The following RGS7 variants were observed in gnomAD, a reference collection of about 807,000 sequenced individuals.
RGS7 encodes regulator of G protein signaling 7.
A neutral mutation model predicts 81.1 loss-of-function variants in RGS7; 27 were observed. The ratio of observed to expected loss-of-function variants is 0.33; its 90% CI spans 0.25 to 0.46. The LOEUF is 0.46. RGS7 is among the 20% of genes least tolerant of loss of function. The pLI is 1.00. For synonymous variants in RGS7, 208 were observed against 207.7 expected (o/e 1.00, Z -0.01); for missense variants, 396 against 607.4 (o/e 0.65, Z 3.66).
In RGS7 at chr1:240,983,071, T is replaced by G. The variant is rs773829893; in HGVS notation, c.226+8A>C. On this transcript the variant is annotated splice_region_variant and intron_variant, in intron 4 of 18. Coordinates refer to ENST00000440928, the MANE Select transcript of RGS7 (RefSeq NM_001364886.1). ...AAAGTTCTTGCAATGGGAAAATGATTTATTTACCTGGATCTTCTATAGTTA... is the reference window on the plus strand; with the variant it reads ...AAAGTTCTTGCAATGGGAAAATGATGTATTTACCTGGATCTTCTATAGTTA... 1.3e-5 allele frequency: 19 copies of G among 1,499,948 alleles called. No individual in the cohort carries two copies. Among genetic ancestry groups the G allele is most frequent in the Admixed American group, 1.7e-5 (1 of 59,504 alleles). The allele number at this position is 1,499,948 out of a possible 1,614,324, so 92.9% of individuals were successfully genotyped here.
At chr1:241,081,112 A>C (rs2678779) in intron 3 of RGS7, among the ~76,000 whole-genome samples, 24,490 of 152,162 alleles carry the variant, frequency 0.16, 2,043 homozygotes, top group African/African-American at 0.19. Context: ...AATGGGCCTT[A>C]ACTGTTAGTG....
intron 7 of RGS7, among the ~76,000 whole-genome samples, chr1:240,869,312 GA>G (rs1461197266): frequency 6.6e-6 from 1 of 152,058 alleles, no homozygotes; most frequent in East Asian, 1.9e-4. Context: ...TTTGAATTCA[GA>G]AAATCTAACA....
At position 240,784,626 on chromosome 1, in the gene RGS7, A is replaced by C. The variant is rs574574477; in HGVS notation, c.*7-8413T>G. 2.6e-4 allele frequency among the ~76,000 whole-genome samples: 39 copies of C among 151,874 alleles called. 1 individual carries two copies. The South Asian group carries it at 7.9e-3, about 31-fold the overall frequency. On this transcript the variant is annotated intron_variant, in intron 18 of 18. Coordinates refer to ENST00000440928, the MANE Select transcript of RGS7 (RefSeq NM_001364886.1). The stretch of plus-strand genomic sequence containing the variant: ...GCTCCACTGCGCTCCAGCCTGGGCA[A>C]CAGAATAAGACTCCGCCTCAAAAAA...
chr1:240,887,658 T>C (rs1667608646), intron 6 of RGS7, among the ~76,000 whole-genome samples: 1 of 152,246 alleles, frequency 6.6e-6, no homozygotes, highest in African/African-American at 2.4e-5. Context: ...ACAATATCGA[T>C]TAATTACATG....
intron 9 of RGS7, among the ~76,000 whole-genome samples, chr1:240,864,879 C>T (rs910527148): frequency 2.0e-5 from 3 of 152,120 alleles, no homozygotes; most frequent in Non-Finnish European, 2.9e-5. Context: ...CCTTGATTGT[C>T]CTCTGTGAGA....
chr1:240,815,328 C>CAAGA (rs1315818867), intron 11 of RGS7, among the ~76,000 whole-genome samples: 1 of 152,050 alleles, frequency 6.6e-6, no homozygotes, highest in Non-Finnish European at 1.5e-5. Context: ...GGTGACAGAA[C>CAAGA]AAGATTCTGT....
intron 2 of RGS7, among the ~76,000 whole-genome samples, chr1:241,103,355 G>A (rs2064896711): frequency 6.6e-6 from 1 of 152,074 alleles, no homozygotes; most frequent in Non-Finnish European, 1.5e-5. Context: ...CTAGACGATG[G>A]GCATGGGCAG....
intron 6 of RGS7, among the ~76,000 whole-genome samples, chr1:240,881,924 T>C (rs1319745866): frequency 6.6e-6 from 1 of 151,828 alleles, no homozygotes; most frequent in Non-Finnish European, 1.5e-5. Flanking sequence ...AAAATCTTTT[T>C]TTTTTTTTGA....
chr1:240,807,023 T>C (rs1026406717), intron 14 of RGS7, among the ~76,000 whole-genome samples: 3 of 152,144 alleles, frequency 2.0e-5, no homozygotes, highest in Admixed American at 6.6e-5. Flanking sequence ...ATTTGAAAAG[T>C]TGAAATGTGT....
At chr1:241,269,881 G>T (rs914153207) in intron 2 of RGS7, among the ~76,000 whole-genome samples, 10 of 152,180 alleles carry the variant, frequency 6.6e-5, no homozygotes, top group African/African-American at 2.4e-4. Flanking sequence ...TAGCCATTTA[G>T]GACTGTGCAC....
chr1:241,263,299 T>A (rs1011179979), intron 2 of RGS7, among the ~76,000 whole-genome samples: 6 of 151,720 alleles, frequency 4.0e-5, no homozygotes, highest in Non-Finnish European at 8.8e-5. Context: ...TATATATATA[T>A]AAAATAAAAT....
chr1:241,171,462 A>G (rs1217186759), intron 2 of RGS7, among the ~76,000 whole-genome samples: 2 of 152,212 alleles, frequency 1.3e-5, no homozygotes, highest in Non-Finnish European at 2.9e-5. Flanking sequence ...TCATTTATCC[A>G]TCTATTAATT....
chr1:240,958,239 C>T (rs181739007), intron 4 of RGS7, among the ~76,000 whole-genome samples: 3 of 152,302 alleles, frequency 2.0e-5, no homozygotes, highest in African/African-American at 7.2e-5. Context: ...ACAATAAGAG[C>T]CTCATTCATT....
chr1:240,857,989 T>C (rs915388039), intron 9 of RGS7, among the ~76,000 whole-genome samples: 2 of 152,222 alleles, frequency 1.3e-5, no homozygotes, highest in Non-Finnish European at 2.9e-5. Flanking sequence ...CCTTCTGCCA[T>C]GATTGTAAGT....
chr1:241,009,697 G>A (rs2058856358), intron 3 of RGS7, among the ~76,000 whole-genome samples: 1 of 152,268 alleles, frequency 6.6e-6, no homozygotes, highest in Non-Finnish European at 1.5e-5. Context: ...CCCAGAAATT[G>A]GAAGTGAACA....
At chr1:240,915,268 C>A (rs530186634) in intron 6 of RGS7, among the ~76,000 whole-genome samples, 1 of 152,136 alleles carries the variant, frequency 6.6e-6, no homozygotes, top group Non-Finnish European at 1.5e-5. Flanking sequence ...ACTCCAGCCC[C>A]TCTATCCTTC....
At chr1:240,960,232 T>TTTTTTTTTTTTTTTTTTTTTTTTTTTG (rs71172665) in intron 4 of RGS7, among the ~76,000 whole-genome samples, 1 of 70,182 alleles carries the variant, frequency 1.4e-5, no homozygotes, top group African/African-American at 4.5e-5. Context: ...TTTTTTTTTT[T>TTTTTTTTTTTTTTTTTTTTTTTTTTTG]TTGTTGTTGT....
chr1:240,920,592 G>T, intron 6 of RGS7: 3 of 969,262 alleles, frequency 3.1e-6, no homozygotes, highest in Non-Finnish European at 1.6e-6. Flanking sequence ...CAGTAGCTAC[G>T]GCAGTGGCAG....
At position 241,163,114 on chromosome 1, in the gene RGS7, A is replaced by G. The variant is rs2103210216; in HGVS notation, c.79-64352T>C. Among the ~76,000 whole-genome samples the G allele has an allele frequency of 6.6e-6, 1 of 152,338 alleles. No individual in the cohort carries two copies. The highest frequency in any genetic ancestry group is 2.1e-4 in the South Asian group (1 of 4,828). ...AGACAGGCTCCGTGGCCAGGAAGGC[A>G]TAACCATTTGCGGCTTAACACAGCC... On this transcript the variant is annotated intron_variant, in intron 2 of 18. Transcript: ENST00000440928. This position sits in a 1 kb window ranked among gnomAD's most constrained non-coding sequence, Gnocchi z 4.6.
Sources: allele counts gnomAD v4.1 joint callset (sites outside exome capture counted in the v4.1 genomes callset), GRCh38; gene constraint gnomAD v4.1.1; non-coding constraint Gnocchi (gnomAD v3.1); transcripts MANE v1.5; gene names NCBI Gene and HGNC (gene_info 2026-07-23, HGNC 2026-07-21).